The following COL4A5 variants were observed in gnomAD, a reference collection of about 807,000 sequenced individuals.
COL4A5 encodes collagen type IV alpha 5 chain, also known as collagen alpha-5(IV) chain.
Under a neutral mutation model 130.2 loss-of-function variants are expected in COL4A5, and 26 were observed. The observed-to-expected ratio is 0.20, with a 90% CI of 0.15 to 0.28. The LOEUF is 0.28. Ranked by LOEUF, COL4A5 falls within the 10% of genes least tolerant of loss-of-function variation. The pLI, the probability that COL4A5 is intolerant of heterozygous loss-of-function variation, is 1.00. For synonymous variants in COL4A5, 496 were observed against 439.6 expected, an observed-to-expected ratio of 1.13 and a Z score of -1.60; for missense variants, 1,131 against 1,344.3, an observed-to-expected ratio of 0.84 and a Z score of 2.48.
At chrX:108,597,276 G>A in intron 23 of COL4A5, 101 bp from the exon 24 acceptor site, 1 of 932,473 alleles carries the variant, frequency 1.1e-6, no homozygotes, top group East Asian at 3.2e-5. Flanking sequence ...GGTTGAAGGG[G>A]TAAACTGGAG....
At chrX:108,532,675 A>G (rs1340787885) in intron 1 of COL4A5, among the ~76,000 whole-genome samples, 1 of 111,712 alleles carries the variant, frequency 9.0e-6, no homozygotes, top group Non-Finnish European at 1.9e-5. Context: ...AGAGAAGCTT[A>G]AAGAATGAAT....
At chrX:108,568,112 C>G (rs767247137) in intron 4 of COL4A5, among the ~76,000 whole-genome samples, 4 of 111,836 alleles carry the variant, frequency 3.6e-5, no homozygotes, top group Non-Finnish European at 5.6e-5. Flanking sequence ...TAGATATTTT[C>G]AAATTTCTCT....
intron 1 of COL4A5, among the ~76,000 whole-genome samples, chrX:108,485,592 G>A (rs1195829444): frequency 2.7e-5 from 3 of 110,291 alleles, no homozygotes; most frequent in Non-Finnish European, 5.7e-5. Flanking sequence ...GGGTGTGTCT[G>A]GAAATGTCAC....
chrX:108,575,075 C>T (rs1231868028), intron 9 of COL4A5, among the ~76,000 whole-genome samples: 1 of 111,100 alleles, frequency 9.0e-6, no homozygotes, highest in Non-Finnish European at 1.9e-5. Flanking sequence ...AGGTGTAAGC[C>T]TCTGTGCCCA....
chrX:108,563,873 A>G lies in COL4A5; in HGVS notation c.232-9A>G. On this transcript the variant is annotated splice_polypyrimidine_tract_variant and intron_variant, in intron 3 of 52. Coordinates refer to ENST00000328300, the MANE Select transcript of COL4A5 (RefSeq NM_033380.3). ...ACGGACAAAAACCTAAAAATATTGCATTTTTCAGGGTGATGATGGAATTCC... is the reference window on the plus strand; with the variant it reads ...ACGGACAAAAACCTAAAAATATTGCGTTTTTCAGGGTGATGATGGAATTCC... The G allele has an allele frequency of 1.7e-6, 2 of 1,206,116 alleles. No homozygotes were observed. The highest frequency in any genetic ancestry group is 2.2e-6 in the Non-Finnish European group (2 of 891,530).
At chrX:108,685,125 T>A (rs1438420837) in intron 47 of COL4A5, among the ~76,000 whole-genome samples, 2 of 112,328 alleles carry the variant, frequency 1.8e-5, no homozygotes, top group African/African-American at 3.2e-5. Flanking sequence ...GAGCTATTTA[T>A]GACAAACCCA....
intron 28 of COL4A5, among the ~76,000 whole-genome samples, chrX:108,603,778 C>G (rs1296928291): frequency 8.9e-6 from 1 of 112,099 alleles, no homozygotes; most frequent in Admixed American, 9.5e-5. Context: ...AGTAGAACCT[C>G]TTTCAAAATT....
Position 108,547,286 on chromosome X carries a change from C to T in COL4A5, c.141+7481C>T, listed in dbSNP as rs757533333. Among the ~76,000 whole-genome samples the T allele has an allele frequency of 3.6e-4, 40 of 111,616 alleles. No individual in the cohort carries two copies. In the Middle Eastern group the frequency reaches 0.014, roughly 39 times the overall value. ...TGATGGTGACATACAGATGGGGTTT[C>T]GGTGTGGATGTCCTTTCTGTTTGTT... On this transcript the variant is annotated intron_variant, in intron 2 of 52. Transcript: ENST00000328300.
chrX:108,605,882 G>A, intron 28 of COL4A5, among the ~76,000 whole-genome samples: 1 of 111,683 alleles, frequency 9.0e-6, no homozygotes, highest in Non-Finnish European at 1.9e-5. Flanking sequence ...CACTGCAATT[G>A]ACTTAGTAAT....
chrX:108,545,219 C>G (rs1472228045), intron 2 of COL4A5, among the ~76,000 whole-genome samples: 2 of 111,588 alleles, frequency 1.8e-5, no homozygotes, highest in Admixed American at 9.5e-5. Context: ...AATTTTAGAT[C>G]TTTCCTGCTT....
rs1358224311 is a variant in COL4A5, at chrX:108,598,975, G to A, written c.1948+105G>A. On this transcript the variant is annotated intron_variant, in intron 25 of 52. Coordinates refer to ENST00000328300, the MANE Select transcript of COL4A5 (RefSeq NM_033380.3). ...TCCCGAGAGGTGTGTTTCCCTGGCC[G>A]TTTATATTTGAACTCTTCAGAGCAT... is the stretch of plus-strand genomic sequence containing the variant. 68 of 801,607 alleles carry A rather than the reference G, an allele frequency of 8.5e-5. No individual in the cohort carries two copies. In the South Asian group the frequency reaches 1.3e-3, roughly 15 times the overall value. The allele number at this position is 801,607 out of a possible 1,213,427, so 66.1% of individuals were successfully genotyped here. A position where few individuals can be genotyped will look rare whatever the true frequency, so the allele number is the denominator to read the frequency against.
At chrX:108,509,392 T>C (rs1428721780) in intron 1 of COL4A5, among the ~76,000 whole-genome samples, 1 of 111,959 alleles carries the variant, frequency 8.9e-6, no homozygotes, top group Non-Finnish European at 1.9e-5. Flanking sequence ...ACAGTTCACC[T>C]ATGTAAGTAA....
chrX:108,632,369 A>G (rs2067277338), intron 36 of COL4A5, among the ~76,000 whole-genome samples: 1 of 111,055 alleles, frequency 9.0e-6, no homozygotes, highest in South Asian at 3.9e-4. Context: ...GTCCAGGACC[A>G]GATGGATTCA....
At position 108,674,745 on chromosome X, in the gene COL4A5, G is replaced by A; in HGVS notation, c.3800G>A (p.Gly1267Asp). The A allele has an allele frequency of 8.5e-7, 1 of 1,181,357 alleles. No homozygotes were observed. Among genetic ancestry groups the A allele is most frequent in the Non-Finnish European group, 1.1e-6 (1 of 880,508 alleles). The change falls in exon 43 of 53, where the codon GGT becomes GAT. Residue 1267 changes from glycine (G) to aspartate (D), a missense_variant and splice_region_variant. Transcript: ENST00000328300. ...CTTTGGTGAACTCTGATCTTCCCAG[G>A]TTTTCAAGGTTAGACTCTTCACTGG... Reference protein sequence around the residue: ...QGPPGRPGPTGFQGLPGPEGP... With the variant: ...QGPPGRPGPTDFQGLPGPEGP...
rs2066542431 is a variant in COL4A5 at position 108,597,540 on chromosome X, C to A, written c.1751C>A (p.Pro584Gln). 8.3e-7 allele frequency: 1 copy of A among 1,207,868 alleles called. No individual in the cohort carries two copies. Among genetic ancestry groups the A allele is most frequent in the African/African-American group, 1.8e-5 (1 of 56,681 alleles). Residue 584 changes from proline (P) to glutamine (Q), a missense_variant, in exon 24 of 53, where the codon CCA (proline) becomes CAA (glutamine). Physicochemically the swap from Pro to Gln is moderately conservative, Grantham distance 76 (BLOSUM62 -1). Coordinates refer to ENST00000328300, the MANE Select transcript of COL4A5 (RefSeq NM_033380.3). The part of the protein sequence containing the change: ...LPGTPGQDGL[P>Q]GLPGPKGEPG... ...GGCACTCCTGGACAGGATGGATTGCCAGGGCTTCCTGGCCCGAAAGGAGAG... is the reference window on the plus strand; with the variant it reads ...GGCACTCCTGGACAGGATGGATTGCAAGGGCTTCCTGGCCCGAAAGGAGAG...
chrX:108,622,907 A>G, intron 33 of COL4A5, 82 bp downstream of exon 33: 1 of 957,303 alleles, frequency 1.0e-6, no homozygotes, highest in Non-Finnish European at 1.4e-6. Context: ...AGTGACTTAT[A>G]ATACAGAATT....
At chrX:108,445,665 T>C (rs2064445057) in intron 1 of COL4A5, among the ~76,000 whole-genome samples, 2 of 112,030 alleles carry the variant, frequency 1.8e-5, no homozygotes, top group East Asian at 5.6e-4. Context: ...TTTGGTCTTA[T>C]AGGCATTTTG....
intron 45 of COL4A5, 28 bp from the exon 46 acceptor site, chrX:108,680,857 C>T: frequency 4.2e-6 from 5 of 1,203,890 alleles, no homozygotes; most frequent in Non-Finnish European, 5.6e-6. Context: ...GTTGCTTTGC[C>T]ATAAAACTGT....
chrX:108,559,526 T>C (rs1352417639), intron 3 of COL4A5, among the ~76,000 whole-genome samples: 2 of 111,883 alleles, frequency 1.8e-5, no homozygotes, highest in Admixed American at 1.9e-4. Context: ...TGCAATATTA[T>C]AAGCAGAAAG....
Sources: gnomAD v4.1 joint callset for allele counts (sites outside exome capture counted in the v4.1 genomes callset) on GRCh38, gnomAD v4.1.1 for gene constraint, MANE v1.5 for transcripts, NCBI Gene and HGNC (gene_info 2026-07-23, HGNC 2026-07-21) for gene names.